Variants in ZNF136 observed in about 807,000 individuals in gnomAD.
The protein encoded by ZNF136 is zinc finger protein 136.
A neutral mutation model predicts 11.4 loss-of-function variants in ZNF136; 8 were observed. That is an observed-to-expected ratio of 0.70 (90% CI 0.41 to 1.27). The LOEUF is 1.27. Ranked by LOEUF, ZNF136 falls within the 50% of genes most tolerant of loss-of-function variation. The pLI, the probability that ZNF136 is intolerant of heterozygous loss-of-function variation, is 0.01. For missense variants in ZNF136, 590 were observed against 656.5 expected, an observed-to-expected ratio of 0.90 and a Z score of 1.11; for synonymous variants, 190 against 207.1, an observed-to-expected ratio of 0.92 and a Z score of 0.71.
chr19:12,181,095 C>T (rs1364142006), intron 1 of ZNF136, among the ~76,000 whole-genome samples: 1 of 152,234 alleles, frequency 6.6e-6, no homozygotes, highest in Non-Finnish European at 1.5e-5. Flanking sequence ...GCTGCATTAC[C>T]TTTCTTCTGG....
In ZNF136 at chr19:12,189,047, A is replaced by G. The variant is rs563891619; in HGVS notation, c.*1046A>G. 2.9e-4 allele frequency: 44 copies of G among 152,348 alleles called. No individual in the cohort carries two copies. Among genetic ancestry groups the G allele is most frequent in the African/African-American group, 8.2e-4 (34 of 41,586 alleles). 9.4% of individuals were successfully genotyped at this position (152,348 alleles called of 1,614,324 possible). ...TAATCCTGTAAGTAATCTGAAAGCA[A>G]TAGTGCATGAATTTCATAGGTAGTG... On this transcript the variant is annotated 3_prime_UTR_variant, in exon 4 of 4. Coordinates refer to ENST00000343979, the MANE Select transcript of ZNF136 (RefSeq NM_003437.5).
In ZNF136 at chr19:12,187,995, C is replaced by G. The variant is rs773229352; in HGVS notation, c.1617C>G (p.Ser539Arg). Residue 539 changes from serine to arginine, a missense_variant, in exon 4 of 4, where the codon AGC becomes AGG. Transcript: ENST00000343979. ...CACCTTATAAATGCATGTGGGAAAGCCTTTAATGCTCTGGGTTCATGTCAG... is the reference window on the plus strand; with the variant it reads ...CACCTTATAAATGCATGTGGGAAAGGCTTTAATGCTCTGGGTTCATGTCAG... ...DGPPYKCMWE[S>R]L 2 of 1,521,310 alleles carry G rather than the reference C, an allele frequency of 1.3e-6. No individual in the cohort carries two copies. The highest frequency in any genetic ancestry group is 1.4e-5 in the South Asian group (1 of 73,426). 94.2% of individuals were successfully genotyped at this position (1,521,310 alleles called of 1,614,324 possible).
At chr19:12,184,245 G>T (rs1220792457) in intron 1 of ZNF136, among the ~76,000 whole-genome samples, 1 of 140,262 alleles carries the variant, frequency 7.1e-6, no homozygotes, top group Admixed American at 7.3e-5. Flanking sequence ...CAGCCTGGGC[G>T]ACAGAGCAAG....
At chr19:12,182,067 C>T (rs561487260) in intron 1 of ZNF136, among the ~76,000 whole-genome samples, 2 of 151,976 alleles carry the variant, frequency 1.3e-5, no homozygotes, top group African/African-American at 4.8e-5. Flanking sequence ...TCACCATGCC[C>T]AGCTGACTAT....
At position 12,188,352 on chromosome 19, in the gene ZNF136, GGA is replaced by G. The variant is rs1376640095; in HGVS notation, c.*355_*356del. On this transcript the variant is annotated 3_prime_UTR_variant, in exon 4 of 4. Coordinates refer to ENST00000343979, the MANE Select transcript of ZNF136 (RefSeq NM_003437.5). ...AACCTTGGTAAATGTAAAGAGTGTG[GGA>G]GAGCCTTTAGTCATTTTAGTTCCAC... The G allele has an allele frequency of 6.6e-5, 12 of 181,018 alleles. No homozygotes were observed. The highest frequency in any genetic ancestry group is 5.9e-5 in the Admixed American group (1 of 16,916). 11.2% of individuals were successfully genotyped at this position (181,018 alleles called of 1,614,324 possible).
In ZNF136 at chr19:12,187,473, A is replaced by G; in HGVS notation, c.1095A>G (p.Glu365=). 1 of 1,612,944 alleles carries G rather than the reference A, an allele frequency of 6.2e-7. No individual in the cohort carries two copies. The highest frequency in any genetic ancestry group is 8.5e-7 in the Non-Finnish European group (1 of 1,179,666). ...CTCACACTGGAGAAAAACCTTATGA[A>G]TGTAAGGAATGTGGGGAAGCATTCA... The part of the protein sequence containing the change: ...ERTHTGEKPY[E]CKECGEAFSC... Residue 365 remains glutamate (E), a synonymous_variant, in exon 4 of 4, where the codon GAA becomes GAG. Transcript: ENST00000343979.
intron 1 of ZNF136, chr19:12,164,687 C>T (rs112217048): frequency 0.046 from 7,017 of 152,348 alleles, 274 homozygotes; most frequent in Admixed American, 0.12. Flanking sequence ...CGCGATCCGC[C>T]TGCCTTGGCC....
At chr19:12,183,127 G>T (rs1178652343) in intron 1 of ZNF136, among the ~76,000 whole-genome samples, 2 of 150,060 alleles carry the variant, frequency 1.3e-5, no homozygotes, top group South Asian at 2.1e-4. Flanking sequence ...TTGTGATTTT[G>T]TTGTTGTTGT....
At chr19:12,165,005 T>G (rs1174303384) in intron 1 of ZNF136, 2 of 152,236 alleles carry the variant, frequency 1.3e-5, no homozygotes, top group Admixed American at 6.5e-5. Context: ...AACAACTTTG[T>G]ATCAGCCCAC....
intron 1 of ZNF136, among the ~76,000 whole-genome samples, chr19:12,183,548 AATCTATCT>A (rs57826139): frequency 0.22 from 32,251 of 145,278 alleles, 3,613 homozygotes; most frequent in East Asian, 0.3. Flanking sequence ...CACATAACTG[AATCTATCT>A]ATCTATCTAT....
At chr19:12,184,497 C>T (rs1915032957) in intron 1 of ZNF136, 1 of 147,954 alleles carries the variant, frequency 6.8e-6, no homozygotes, top group Non-Finnish European at 1.5e-5. Context: ...GGAAGCGGAG[C>T]TTGCAGTGAG....
At chr19:12,168,261 A>G (rs1168399450) in intron 1 of ZNF136, among the ~76,000 whole-genome samples, 1 of 150,908 alleles carries the variant, frequency 6.6e-6, no homozygotes, top group East Asian at 1.9e-4. Context: ...TTTAGTAGAA[A>G]CGGGGTTTCA....
At chr19:12,184,047 C>T (rs1478635628) in intron 1 of ZNF136, among the ~76,000 whole-genome samples, 5 of 144,800 alleles carry the variant, frequency 3.5e-5, no homozygotes, top group Non-Finnish European at 7.6e-5. Context: ...CTGGCAGATA[C>T]TTGCGGTCAG....
chr19:12,174,847 G>A (rs981558884), intron 1 of ZNF136, among the ~76,000 whole-genome samples: 10 of 145,138 alleles, frequency 6.9e-5, no homozygotes, highest in Admixed American at 2.1e-4. Flanking sequence ...ATGTTAGTCA[G>A]GATGGCTTTC....
At chr19:12,170,511 C>A (rs1914627218) in intron 1 of ZNF136, among the ~76,000 whole-genome samples, 1 of 151,972 alleles carries the variant, frequency 6.6e-6, no homozygotes, top group Non-Finnish European at 1.5e-5. Flanking sequence ...TCTCACCCTC[C>A]CAAGTAGCTG....
At chr19:12,181,650 G>A (rs139529871) in intron 1 of ZNF136, among the ~76,000 whole-genome samples, 13 of 151,044 alleles carry the variant, frequency 8.6e-5, no homozygotes, top group African/African-American at 2.9e-4. Context: ...TTTTTTTTGG[G>A]GGGGGACAGA....
intron 1 of ZNF136, among the ~76,000 whole-genome samples, chr19:12,178,894 CAGG>C (rs558451775): frequency 3.0e-4 from 45 of 151,524 alleles, no homozygotes; most frequent in Non-Finnish European, 4.6e-4. Context: ...GAGGCTGAGG[CAGG>C]AGAATGGCAT....
At chr19:12,163,986 C>T (rs1326313381) in intron 1 of ZNF136, among the ~76,000 whole-genome samples, 1 of 152,034 alleles carries the variant, frequency 6.6e-6, no homozygotes, top group African/African-American at 2.4e-5. Flanking sequence ...TTATTTTTTC[C>T]TGGTTCTGGG....
chr19:12,185,591 A>G (rs1915059249), intron 1 of ZNF136, 194 bp from the exon 2 acceptor site: 4 of 600,768 alleles, frequency 6.7e-6, no homozygotes, highest in Non-Finnish European at 1.1e-5. Context: ...ATGATCAGAC[A>G]CTGCTATTGT....
Sources: gnomAD v4.1 joint callset for allele counts (sites outside exome capture counted in the v4.1 genomes callset) on GRCh38, gnomAD v4.1.1 for gene constraint, MANE v1.5 for transcripts, NCBI Gene and HGNC (gene_info 2026-07-23, HGNC 2026-07-21) for gene names.